Variants in CD99L2 observed in about 807,000 individuals in gnomAD.
The protein encoded by CD99L2 is CD99 molecule like 2, also known as CD99 antigen-like protein 2.
CD99L2 carries 24 observed loss-of-function variants against 27.3 expected under a neutral mutation model. The ratio of observed to expected loss-of-function variants is 0.88; its 90% confidence interval spans 0.64 to 1.24. CD99L2 has a LOEUF of 1.24. CD99L2 is among the 50% of genes most tolerant of loss of function. The pLI is 0.00. For missense variants in CD99L2, 255 were observed against 221.6 expected (o/e 1.15, Z -0.96); for synonymous variants, 97 against 87.9 (o/e 1.10, Z -0.58).
At chrX:150,791,877 A>G (rs956904681) in intron 7 of CD99L2, among the ~76,000 whole-genome samples, 1 of 111,917 alleles carries the variant, frequency 8.9e-6, no homozygotes, top group Non-Finnish European at 1.9e-5. Flanking sequence ...AAAAAAATCC[A>G]TAACAAATAA....
intron 10 of CD99L2, among the ~76,000 whole-genome samples, chrX:150,769,671 C>T (rs1444639355): frequency 1.9e-5 from 2 of 103,255 alleles, no homozygotes; most frequent in Non-Finnish European, 3.9e-5. Flanking sequence ...GTCCTAGTCT[C>T]CCTGCCTGCG....
Position 150,814,888 on chromosome X carries a change from C to T in CD99L2, c.251G>A (p.Arg84His), listed in dbSNP as rs371141614. ...ADALDDQDDG[R>H]RKPGIGGRER... The stretch of plus-strand genomic sequence containing the variant: ...TCTTCCTCCTATACCCGGTTTCCTG[C>T]GGCCATCATCTTGATCATCCAAAGC... The change falls in exon 4 of 11, where the codon CGC becomes CAC. Residue 84 changes from arginine (R) to histidine (H), a missense_variant. Physicochemically the swap from Arg to His is conservative, Grantham distance 29. Transcript: ENST00000370377. The T allele has an allele frequency of 8.3e-6, 10 of 1,208,525 alleles. No individual in the cohort carries two copies. Among genetic ancestry groups the T allele is most frequent in the East Asian group, 5.9e-5 (2 of 33,738 alleles).
intron 9 of CD99L2, among the ~76,000 whole-genome samples, chrX:150,774,053 A>T (rs2043507973): frequency 9.0e-6 from 1 of 111,630 alleles, no homozygotes; most frequent in Non-Finnish European, 1.9e-5. Context: ...CACACAGGAG[A>T]AGCCCTCTAG....
chrX:150,809,162 A>G, intron 4 of CD99L2, among the ~76,000 whole-genome samples: 1 of 111,740 alleles, frequency 8.9e-6, no homozygotes, highest in South Asian at 3.8e-4. Context: ...TAGCACCTTG[A>G]TTTTAGCCCA....
intron 1 of CD99L2, among the ~76,000 whole-genome samples, chrX:150,835,651 A>C (rs141276617): frequency 0.014 from 1,564 of 112,191 alleles, 17 homozygotes; most frequent in African/African-American, 0.045. Flanking sequence ...ACTCCACAAA[A>C]GGGAAATCTG....
rs963796651 is a variant in CD99L2 at position 150,788,121 on chromosome X, T to C, written c.496+5570A>G. 3.7e-5 allele frequency among the ~76,000 whole-genome samples: 4 copies of C among 109,184 alleles called. No individual in the cohort carries two copies. The Middle Eastern group carries it at 0.019, about 505-fold the overall frequency. The allele number at this position is 109,184 out of a possible 115,157, so 94.8% of individuals were successfully genotyped here. A position where few individuals can be genotyped will look rare whatever the true frequency, so the allele number is the denominator to read the frequency against. ...GAAAACTTCAGGCTGATATCATTGA[T>C]GAACATAGATGCAAAAATCCTCAAC... On this transcript the variant is annotated intron_variant, in intron 7 of 10. Coordinates refer to ENST00000370377, the MANE Select transcript of CD99L2 (RefSeq NM_031462.4).
At chrX:150,782,830 G>A (rs2045534320) in intron 7 of CD99L2, among the ~76,000 whole-genome samples, 1 of 110,997 alleles carries the variant, frequency 9.0e-6, no homozygotes, top group Non-Finnish European at 1.9e-5. Flanking sequence ...TCCTATTGGG[G>A]GTTAGGGTTT....
Position 150,769,094 on chromosome X carries a change from G to A in CD99L2, c.729C>T (p.Tyr243=). The A allele has an allele frequency of 8.6e-7, 1 of 1,163,284 alleles. No individual in the cohort carries two copies. Among genetic ancestry groups the A allele is most frequent in the Non-Finnish European group, 1.1e-6 (1 of 877,545 alleles). Reference sequence around the variant, plus strand: ...CTGCAGACTGCGTGTGCAACGTGGAGTATTTCACTAGGGGAAAAAGAGGCC... The same window carrying A: ...CTGCAGACTGCGTGTGCAACGTGGAATATTTCACTAGGGGAAAAAGAGGCC... The part of the protein sequence containing the change: ...AVVCEEPQVK[Y]STLHTQSAEP... The change falls in exon 11 of 11, where the codon TAC becomes TAT. Residue 243 remains tyrosine (Y), a synonymous_variant. Transcript: ENST00000370377.
chrX:150,889,402 A>G (rs1458363008), intron 1 of CD99L2, among the ~76,000 whole-genome samples: 2 of 109,753 alleles, frequency 1.8e-5, no homozygotes, highest in Admixed American at 1.9e-4. Flanking sequence ...TTTCCCCCAC[A>G]TTGCCCTTAG....
chrX:150,794,282 C>T (rs2045751408), intron 6 of CD99L2, among the ~76,000 whole-genome samples: 1 of 111,566 alleles, frequency 9.0e-6, no homozygotes, highest in Non-Finnish European at 1.9e-5. Flanking sequence ...AGGGAATGTA[C>T]TGTCAACAAG....
At position 150,776,196 on chromosome X, in the gene CD99L2, C is replaced by A; in HGVS notation, c.633G>T (p.Lys211Asn). 8.3e-7 allele frequency: 1 copy of A among 1,211,542 alleles called. No individual in the cohort carries two copies. Among genetic ancestry groups the A allele is most frequent in the Non-Finnish European group, 1.1e-6 (1 of 895,281 alleles). Residue 211 changes from lysine (K) to asparagine (N), a missense_variant, in exon 9 of 11, where the codon AAG becomes AAT. By Grantham distance (94) the Lys-to-Asn change is moderately conservative (BLOSUM62 0). Coordinates refer to ENST00000370377, the MANE Select transcript of CD99L2 (RefSeq NM_031462.4). ...AVSSYISYQQ[K>N]KFCFSIQQGL... ...TACGCTGAATGCTGAAGCAGAACTT[C>A]TTCTGCTGGTAGGAGATGTAGCTGG...
At chrX:150,838,919 G>A (rs56965494) in intron 1 of CD99L2, among the ~76,000 whole-genome samples, 5 of 46,176 alleles carry the variant, frequency 1.1e-4, no homozygotes, top group African/African-American at 2.7e-4. Flanking sequence ...AAAAAAAAAT[G>A]GGGGGGGGGG....
chrX:150,888,194 A>C (rs1211616206), intron 1 of CD99L2, among the ~76,000 whole-genome samples: 1 of 111,795 alleles, frequency 8.9e-6, no homozygotes, highest in Non-Finnish European at 1.9e-5. Context: ...TATCCCAAAG[A>C]ACTGAAAACA....
intron 2 of CD99L2, among the ~76,000 whole-genome samples, chrX:150,824,304 AGAGGAGGAG>A (rs782400184): frequency 1.6e-5 from 1 of 62,502 alleles, no homozygotes; most frequent in Non-Finnish European, 3.1e-5. Flanking sequence ...AAGAAGAAGA[AGAGGAGGAG>A]GAGGAGGAGG....
intron 1 of CD99L2, among the ~76,000 whole-genome samples, chrX:150,838,752 AC>A (rs2046572669): frequency 9.2e-6 from 1 of 109,074 alleles, no homozygotes; most frequent in Non-Finnish European, 1.9e-5. Flanking sequence ...ATGGGGTCTC[AC>A]TATGTTGCCT....
At chrX:150,855,120 T>C (rs1424799206) in intron 1 of CD99L2, among the ~76,000 whole-genome samples, 2 of 111,903 alleles carry the variant, frequency 1.8e-5, no homozygotes, top group African/African-American at 3.3e-5. Context: ...TGACTGGTTA[T>C]TGCTGTGGTT....
At chrX:150,785,727 A>C (rs2045583899) in intron 7 of CD99L2, among the ~76,000 whole-genome samples, 1 of 111,898 alleles carries the variant, frequency 8.9e-6, no homozygotes, top group Non-Finnish European at 1.9e-5. Flanking sequence ...GGAACTTCAT[A>C]TAATTGGGCT....
At chrX:150,804,301 ACAACCAACGGGT>A (rs1217235231) in intron 4 of CD99L2, among the ~76,000 whole-genome samples, 2 of 112,684 alleles carry the variant, frequency 1.8e-5, no homozygotes, top group African/African-American at 3.2e-5. Flanking sequence ...ATTCTCCTGA[ACAACCAACGGGT>A]CAAAGAAGAA....
chrX:150,879,750 TA>T lies in CD99L2; in HGVS notation c.67+18771del, dbSNP rs60706288. On this transcript the variant is annotated intron_variant, in intron 1 of 10. Transcript: ENST00000370377. ...GGCGAAACCCTGTCTCTACAAAAAC[TA>T]AAAAAAAAAAAAAAAAAAAAAAAAA... Among the ~76,000 whole-genome samples, 67 of 19,377 alleles carry T rather than the reference TA, an allele frequency of 3.5e-3. 1 individual carries two copies. The highest frequency in any genetic ancestry group is 4.8e-3 in the East Asian group (2 of 419). The allele number at this position is 19,377 out of a possible 115,157, so 16.8% of individuals were successfully genotyped here.
Sources: allele counts gnomAD v4.1 joint callset (sites outside exome capture counted in the v4.1 genomes callset), GRCh38; gene constraint gnomAD v4.1.1; transcripts MANE v1.5; gene names NCBI Gene and HGNC (gene_info 2026-07-23, HGNC 2026-07-21).